ATG7: variants seen among roughly 807,000 people sequenced by gnomAD.
ATG7 encodes the protein ubiquitin-like modifier-activating enzyme ATG7.
In ATG7, 70 loss-of-function variants were observed where a neutral mutation model predicts 82.4. The ratio of observed to expected loss-of-function variants is 0.85; its 90% confidence interval spans 0.70 to 1.04. ATG7 has a LOEUF of 1.04. Among genes scored for constraint, ATG7 ranks in the 50% least tolerant of loss-of-function variants. The pLI is 0.00. For synonymous variants in ATG7, 287 were observed against 313.0 expected, an observed-to-expected ratio of 0.92 and a Z score of 0.88; for missense variants, 792 against 864.3, an observed-to-expected ratio of 0.92 and a Z score of 1.05.
intron 20 of ATG7, among the ~76,000 whole-genome samples, chr3:11,435,112 TAA>T (rs778202573): frequency 2.0e-5 from 3 of 152,248 alleles, no homozygotes; most frequent in South Asian, 2.1e-4. Flanking sequence ...AATTTTTACA[TAA>T]AAGTGTTTAA....
chr3:11,496,956 A>C (rs1295199394), intron 20 of ATG7, among the ~76,000 whole-genome samples: 1 of 151,654 alleles, frequency 6.6e-6, no homozygotes, highest in Non-Finnish European at 1.5e-5. Flanking sequence ...GTTTCAAGTG[A>C]TTCTCCTGCC....
chr3:11,488,588 T>A (rs1016004502), intron 20 of ATG7: 1 of 632,256 alleles, frequency 1.6e-6, no homozygotes, highest in East Asian at 5.1e-5. Context: ...CCGGACGGGC[T>A]CCCTAAGCCA....
chr3:11,503,460 A>C (rs2091484597), intron 20 of ATG7, among the ~76,000 whole-genome samples: 1 of 151,362 alleles, frequency 6.6e-6, no homozygotes, highest in Non-Finnish European at 1.5e-5. Flanking sequence ...TGCTATTAAC[A>C]AAAAAAAGGA....
At chr3:11,551,676 C>T (rs2071797878) in intron 20 of ATG7, among the ~76,000 whole-genome samples, 2 of 152,270 alleles carry the variant, frequency 1.3e-5, no homozygotes, top group African/African-American at 2.4e-5. Flanking sequence ...GCAGTCCACT[C>T]GCCTCAGCCT....
the ATG7 span, chr3:11,568,905 C>T: frequency 7.7e-7 from 1 of 1,295,044 alleles, no homozygotes; most frequent in Non-Finnish European, 9.8e-7. The surrounding 1 kb of genome is among the most constrained non-coding windows in gnomAD (Gnocchi z 5.9). Flanking sequence ...CGGGCCTCAT[C>T]CCCATCCTAG....
intron 9 of ATG7, among the ~76,000 whole-genome samples, chr3:11,317,597 T>G (rs944394731): frequency 2.1e-4 from 31 of 147,018 alleles, no homozygotes; most frequent in East Asian, 2.0e-3. Flanking sequence ...TTTTTTTTTT[T>G]TTTTTTTGTT....
intron 20 of ATG7, among the ~76,000 whole-genome samples, chr3:11,490,327 G>T (rs2090210829): frequency 6.6e-6 from 1 of 152,138 alleles, no homozygotes; most frequent in African/African-American, 2.4e-5. Flanking sequence ...TTGCTTGGTA[G>T]ATCTTCCTCC....
chr3:11,319,878 C>T (rs1949981102), intron 9 of ATG7, among the ~76,000 whole-genome samples: 1 of 152,236 alleles, frequency 6.6e-6, no homozygotes, highest in African/African-American at 2.4e-5. Context: ...CCTAACAAGC[C>T]TCCTTGTATC....
chr3:11,576,340 G>T, the ATG7 span, among the ~76,000 whole-genome samples: 19 of 152,282 alleles, frequency 1.2e-4, no homozygotes, highest in East Asian at 3.7e-3. Flanking sequence ...AAATTGAAAA[G>T]AATTTAAAAT....
chr3:11,551,443 G>C (rs567639526), intron 20 of ATG7, among the ~76,000 whole-genome samples: 59 of 152,348 alleles, frequency 3.9e-4, no homozygotes, highest in Non-Finnish European at 6.6e-4. Flanking sequence ...GAAACAAGGG[G>C]TGTGGCTCTA....
chr3:11,555,153 T>G lies in ATG7; in HGVS notation c.*310T>G, dbSNP rs987186543. ...AGCCATCCCCCAGGATCCTTTCCCC[T>G]TGGCCCTGAGGGGGTGACCCAACAC... On this transcript the variant is annotated 3_prime_UTR_variant, in exon 21 of 21. Transcript: ENST00000693202. 2 of 402,246 alleles carry G rather than the reference T, an allele frequency of 5.0e-6. No homozygotes were observed. The highest frequency in any genetic ancestry group is 4.1e-5 in the African/African-American group (2 of 48,314). The allele number at this position is 402,246 out of a possible 1,614,324, so 24.9% of individuals were successfully genotyped here.
At chr3:11,510,758 T>G (rs1457483524) in intron 20 of ATG7, among the ~76,000 whole-genome samples, 2 of 152,230 alleles carry the variant, frequency 1.3e-5, no homozygotes, top group Admixed American at 1.3e-4. Context: ...TTCTTGGCAG[T>G]CAGACTTCCA....
intron 18 of ATG7, among the ~76,000 whole-genome samples, chr3:11,376,629 CAG>C (rs1420853307): frequency 6.6e-6 from 1 of 152,090 alleles, no homozygotes; most frequent in Non-Finnish European, 1.5e-5. Context: ...AGCAGTTGTA[CAG>C]AGTCTGTAAA....
chr3:11,278,726 CAAT>C (rs1272602755), intron 1 of ATG7, among the ~76,000 whole-genome samples: 1 of 152,168 alleles, frequency 6.6e-6, no homozygotes, highest in Non-Finnish European at 1.5e-5. Flanking sequence ...GCTAGAAAAA[CAAT>C]GATGAATGGG....
chr3:11,315,539 A>G, intron 9 of ATG7, 46 bp downstream of exon 9: 1 of 1,465,150 alleles, frequency 6.8e-7, no homozygotes, highest in Non-Finnish European at 9.1e-7. Context: ...TTTTTTAAAA[A>G]ATCTGAAGTT....
chr3:11,396,564 G>A (rs991254581), intron 19 of ATG7, among the ~76,000 whole-genome samples: 3 of 152,128 alleles, frequency 2.0e-5, no homozygotes, highest in Non-Finnish European at 2.9e-5. Context: ...ATCACTCGAA[G>A]TCAGGAGTTT....
At chr3:11,358,694 C>A in intron 15 of ATG7, 82 bp downstream of exon 15, 1 of 1,435,682 alleles carries the variant, frequency 7.0e-7, no homozygotes, top group Non-Finnish European at 9.4e-7. Flanking sequence ...TTCCCTTCCC[C>A]AGGGCAGAGA....
intron 19 of ATG7, among the ~76,000 whole-genome samples, chr3:11,388,628 C>T (rs1160517541): frequency 6.6e-6 from 1 of 151,960 alleles, no homozygotes; most frequent in East Asian, 1.9e-4. Flanking sequence ...CAGGGTTTCA[C>T]CGTGTTAGCT....
At chr3:11,484,814 A>G (rs2089440919) in intron 20 of ATG7, among the ~76,000 whole-genome samples, 1 of 152,084 alleles carries the variant, frequency 6.6e-6, no homozygotes, top group South Asian at 2.1e-4. Flanking sequence ...TGTTCTTGCG[A>G]TAGTTTACTG....
Sources: allele counts gnomAD v4.1 joint callset (sites outside exome capture counted in the v4.1 genomes callset), GRCh38; gene constraint gnomAD v4.1.1; non-coding constraint Gnocchi (gnomAD v3.1); transcripts MANE v1.5; gene names NCBI Gene and HGNC (gene_info 2026-07-23, HGNC 2026-07-21).